Variants in FBXL7 observed in about 807,000 individuals in gnomAD.
FBXL7 encodes F-box/LRR-repeat protein 7.
FBXL7 carries 12 observed loss-of-function variants against 38.3 expected under a neutral mutation model. The observed-to-expected ratio is 0.31, with a 90% confidence interval of 0.20 to 0.51. FBXL7 has a LOEUF of 0.51. FBXL7 is among the 20% of genes least tolerant of loss of function. FBXL7 has a pLI of 0.98. For missense variants in FBXL7, 567 were observed against 676.4 expected (o/e 0.84, Z 1.79); for synonymous variants, 297 against 300.9 (o/e 0.99, Z 0.13).
At chr5:15,885,489 A>T (rs545673782) in intron 2 of FBXL7, among the ~76,000 whole-genome samples, 1 of 152,318 alleles carries the variant, frequency 6.6e-6, no homozygotes, top group East Asian at 1.9e-4. Context: ...ATGAGATTCC[A>T]CTGGCACCCA....
In FBXL7 at chr5:15,938,313, G is replaced by A. The variant is rs1171285614; in HGVS notation, c.*1127G>A. ...TTGCAATTTTTAATTAACAAGCAAGGCCCAAGGGAACACATGTCCTCAAAA... is the reference window on the plus strand; with the variant it reads ...TTGCAATTTTTAATTAACAAGCAAGACCCAAGGGAACACATGTCCTCAAAA... On this transcript the variant is annotated 3_prime_UTR_variant, in exon 4 of 4. Transcript: ENST00000504595. The A allele has an allele frequency of 6.6e-6, 1 of 152,164 alleles. No individual in the cohort carries two copies. The highest frequency in any genetic ancestry group is 1.5e-5 in the Non-Finnish European group (1 of 68,048). 9.4% of individuals were successfully genotyped at this position (152,164 alleles called of 1,614,324 possible). A position where few individuals can be genotyped will look rare whatever the true frequency, so the allele number is the denominator to read the frequency against.
rs192362558 is a variant in FBXL7 at position 15,744,358 on chromosome 5, C to A, written c.127+128286C>A. ...CTCTGGAGCAGGGACAAAATGCCAC[C>A]AGTCTCTTTGCATAGCAAGAGTGAA... On this transcript the variant is annotated intron_variant, in intron 2 of 3. Coordinates refer to ENST00000504595, the MANE Select transcript of FBXL7 (RefSeq NM_012304.5). Among the ~76,000 whole-genome samples, 355 of 152,278 alleles carry A rather than the reference C, an allele frequency of 2.3e-3. 3 individuals are homozygous for A. The highest frequency in any genetic ancestry group is 8.1e-3 in the African/African-American group (338 of 41,546).
intron 2 of FBXL7, among the ~76,000 whole-genome samples, chr5:15,895,633 CTTTTTTTTT>C (rs903652361): frequency 1.0e-5 from 1 of 98,060 alleles, no homozygotes; most frequent in African/African-American, 4.2e-5. Flanking sequence ...CTTTTTCATA[CTTTTTTTTT>C]TTTTTTTTTT....
At chr5:15,788,179 G>C (rs1164059796) in intron 2 of FBXL7, among the ~76,000 whole-genome samples, 1 of 152,112 alleles carries the variant, frequency 6.6e-6, no homozygotes, top group Non-Finnish European at 1.5e-5. Context: ...ACGCAATGGA[G>C]TATGTCCTCA....
intron 2 of FBXL7, among the ~76,000 whole-genome samples, chr5:15,844,479 A>G (rs1195819490): frequency 6.6e-6 from 1 of 152,164 alleles, no homozygotes. Context: ...CTTCTTTCCA[A>G]TTCTTCCTGT....
rs1475405345 is a variant in FBXL7, at chr5:15,501,595, G to T, written c.37+882G>T. On this transcript the variant is annotated intron_variant, in intron 1 of 3. Transcript: ENST00000504595. ...GGGTCAGTTTTACAGCCCGCCCCCA[G>T]AGGACAGTTGGTTACAAAGGAGGGG... 3.0e-6 allele frequency: 3 copies of T among 985,458 alleles called. No homozygotes were observed. In the African/African-American group the frequency reaches 5.2e-5, roughly 17 times the overall value. The allele number at this position is 985,458 out of a possible 1,614,324, so 61.0% of individuals were successfully genotyped here.
chr5:15,574,491 A>G (rs533152422), intron 1 of FBXL7, among the ~76,000 whole-genome samples: 3 of 152,372 alleles, frequency 2.0e-5, no homozygotes, highest in African/African-American at 7.2e-5. Flanking sequence ...ATATTTCTGC[A>G]CTATTGAAAT....
intron 2 of FBXL7, among the ~76,000 whole-genome samples, chr5:15,861,564 A>G (rs1031248344): frequency 2.6e-5 from 4 of 152,194 alleles, no homozygotes; most frequent in African/African-American, 7.2e-5. Context: ...AGAGGACTGC[A>G]TGGAGCAGAC....
chr5:15,612,817 G>A (rs1399816968), intron 1 of FBXL7, among the ~76,000 whole-genome samples: 1 of 152,192 alleles, frequency 6.6e-6, no homozygotes, highest in Non-Finnish European at 1.5e-5. Flanking sequence ...GAGTCCTCAC[G>A]CAGCCGGGAG....
intron 2 of FBXL7, among the ~76,000 whole-genome samples, chr5:15,900,205 C>T (rs1321712319): frequency 3.9e-5 from 6 of 152,056 alleles, no homozygotes; most frequent in Non-Finnish European, 5.9e-5. Flanking sequence ...CCAGAAATAT[C>T]CTCATCTTAA....
rs1741933622 is a variant in FBXL7, at chr5:15,928,052, C to T, written c.290C>T (p.Thr97Ile). 1 of 1,064,820 alleles carries T rather than the reference C, an allele frequency of 9.4e-7. No homozygotes were observed. Among genetic ancestry groups the T allele is most frequent in the South Asian group, 1.2e-5 (1 of 81,640 alleles). The allele number at this position is 1,064,820 out of a possible 1,614,324, so 66.0% of individuals were successfully genotyped here. Residue 97 changes from threonine (T) to isoleucine (I), a missense_variant, in exon 3 of 4, where the codon ACA becomes ATA. By Grantham distance (89) the Thr-to-Ile change is moderately conservative. Transcript: ENST00000504595. This position sits in a 1 kb window ranked among gnomAD's most constrained non-coding sequence, Gnocchi z 4.0. ...CACTCCCCGCCCCCGACCCGCCTCA[C>T]ACACCCGCTCATCCGGCTCGCCTCC... is the stretch of plus-strand genomic sequence containing the variant. ...MVHSPPPTRL[T>I]HPLIRLASRP...
Position 15,894,585 on chromosome 5 carries a change from G to A in FBXL7, c.128-33305G>A, listed in dbSNP as rs575753061. Among the ~76,000 whole-genome samples the A allele has an allele frequency of 3.9e-4, 60 of 152,124 alleles. 1 individual carries two copies. Among genetic ancestry groups the A allele is most frequent in the African/African-American group, 8.5e-4 (35 of 41,420 alleles). ...CATATGAAATTGTATTTTCTATTGC[G>A]TTTTCTGTTTAGGGTTTAGATGAGG... On this transcript the variant is annotated intron_variant, in intron 2 of 3. Transcript: ENST00000504595.
intron 2 of FBXL7, among the ~76,000 whole-genome samples, chr5:15,683,628 A>G (rs1206756165): frequency 6.6e-6 from 1 of 152,208 alleles, no homozygotes. Context: ...ATATCTGTAA[A>G]AAGGCAGCCA....
intron 2 of FBXL7, among the ~76,000 whole-genome samples, chr5:15,858,566 A>T (rs781368935): frequency 6.6e-6 from 1 of 152,136 alleles, no homozygotes; most frequent in Non-Finnish European, 1.5e-5. Context: ...GATGTCCATA[A>T]ATTTTATTTG....
rs1307865127 is a variant in FBXL7, at chr5:15,600,617, G to A, written c.38-15366G>A. On this transcript the variant is annotated intron_variant, in intron 1 of 3. Transcript: ENST00000504595. ...ATGATTGTTTGATAAATGGGCAATG[G>A]GAGGTGGGAAACATAGCGGGATCTT... Among the ~76,000 whole-genome samples the A allele has an allele frequency of 7.2e-5, 11 of 152,322 alleles. No homozygotes were observed. The East Asian group carries it at 1.7e-3, about 24-fold the overall frequency.
chr5:15,620,805 A>C (rs1740613786), intron 2 of FBXL7, among the ~76,000 whole-genome samples: 1 of 152,192 alleles, frequency 6.6e-6, no homozygotes, highest in Non-Finnish European at 1.5e-5. Flanking sequence ...AAGTTCTGGA[A>C]GAATTGTGAG....
chr5:15,774,412 G>C (rs1162520880), intron 2 of FBXL7, among the ~76,000 whole-genome samples: 2 of 152,134 alleles, frequency 1.3e-5, no homozygotes, highest in Non-Finnish European at 2.9e-5. Context: ...TTGGTGGAGG[G>C]TGGGGGGGCT....
At chr5:15,889,282 A>C (rs896515995) in intron 2 of FBXL7, among the ~76,000 whole-genome samples, 1 of 152,186 alleles carries the variant, frequency 6.6e-6, no homozygotes. Flanking sequence ...GTGATTACCC[A>C]TTCTTCTGAT....
intron 1 of FBXL7, among the ~76,000 whole-genome samples, chr5:15,517,119 C>T (rs192735079): frequency 8.0e-4 from 122 of 151,960 alleles, no homozygotes; most frequent in East Asian, 6.2e-3. Flanking sequence ...CTCCGCCTCC[C>T]GGGTTCACGC....
Sources: allele counts gnomAD v4.1 joint callset (sites outside exome capture counted in the v4.1 genomes callset), GRCh38; gene constraint gnomAD v4.1.1; non-coding constraint Gnocchi (gnomAD v3.1); transcripts MANE v1.5; gene names NCBI Gene and HGNC (gene_info 2026-07-23, HGNC 2026-07-21).